The following SGCZ variants were observed in gnomAD, a reference collection of about 807,000 sequenced individuals.
SGCZ encodes zeta-sarcoglycan.
Under a neutral mutation model 41.3 loss-of-function variants are expected in SGCZ, and 40 were observed. That is an observed-to-expected ratio of 0.97 (90% CI 0.75 to 1.26). The LOEUF (loss-of-function observed/expected upper bound fraction) is 1.26, where lower values mean the gene tolerates loss of function less well. Among genes scored for constraint, SGCZ ranks in the 50% most tolerant of loss-of-function variants. The probability of loss-of-function intolerance (pLI) is 0.00; values close to 1 mark genes in which losing one functional copy is unlikely to be tolerated. For missense variants in SGCZ, 552 were observed against 369.8 expected (o/e 1.49, Z -4.04); for synonymous variants, 206 against 137.5 (o/e 1.50, Z -3.49).
At chr8:14,375,495 C>G (rs1172016454) in intron 2 of SGCZ, among the ~76,000 whole-genome samples, 1 of 152,010 alleles carries the variant, frequency 6.6e-6, no homozygotes, top group African/African-American at 2.4e-5. Flanking sequence ...ACAAAGAAAG[C>G]ATAAGTAGCA....
At chr8:15,061,351 G>C (rs1563477226) in intron 1 of SGCZ, among the ~76,000 whole-genome samples, 1 of 151,936 alleles carries the variant, frequency 6.6e-6, no homozygotes, top group African/African-American at 2.4e-5. Context: ...CATGGACACA[G>C]GGAGGAGAAC....
chr8:14,981,061 T>C (rs770879548), intron 1 of SGCZ, among the ~76,000 whole-genome samples: 5 of 152,168 alleles, frequency 3.3e-5, no homozygotes, highest in Admixed American at 6.5e-5. Context: ...ATATGGCTTG[T>C]ATAAAAATTT....
intron 4 of SGCZ, among the ~76,000 whole-genome samples, chr8:14,217,035 C>A (rs994325867): frequency 6.6e-6 from 1 of 152,100 alleles, no homozygotes; most frequent in African/African-American, 2.4e-5. Flanking sequence ...CGCCTGTAAT[C>A]CCAGCACTTT....
chr8:14,320,866 C>G (rs1243085828), intron 3 of SGCZ, among the ~76,000 whole-genome samples: 1 of 151,988 alleles, frequency 6.6e-6, no homozygotes, highest in South Asian at 2.1e-4. Flanking sequence ...TAGTTCGTCT[C>G]AGATAAGAGG....
chr8:14,579,589 C>T (rs1804819860), intron 1 of SGCZ, among the ~76,000 whole-genome samples: 2 of 152,138 alleles, frequency 1.3e-5, no homozygotes, highest in South Asian at 2.1e-4. Flanking sequence ...TATACAGGTT[C>T]AGGGAACACT....
chr8:14,942,599 G>C (rs964583638), intron 1 of SGCZ, among the ~76,000 whole-genome samples: 1 of 152,034 alleles, frequency 6.6e-6, no homozygotes, highest in Non-Finnish European at 1.5e-5. Context: ...GGAAAAAAAC[G>C]ACTTCTGTTT....
intron 1 of SGCZ, among the ~76,000 whole-genome samples, chr8:14,925,312 T>C (rs1292296491): frequency 6.6e-6 from 1 of 152,246 alleles, no homozygotes; most frequent in Non-Finnish European, 1.5e-5. Flanking sequence ...ATAGCATTTC[T>C]TATGGCTTAG....
chr8:14,584,655 A>G (rs1276480284), intron 1 of SGCZ, among the ~76,000 whole-genome samples: 1 of 152,096 alleles, frequency 6.6e-6, no homozygotes, highest in African/African-American at 2.4e-5. Flanking sequence ...TCAGGGCCAA[A>G]AGCACGCTAA....
At chr8:14,894,281 G>A (rs1805118157) in intron 1 of SGCZ, among the ~76,000 whole-genome samples, 1 of 151,808 alleles carries the variant, frequency 6.6e-6, no homozygotes, top group Non-Finnish European at 1.5e-5. Context: ...TTAATGAATG[G>A]TTCTCCCATA....
At chr8:14,541,006 A>G (rs1803449735) in intron 2 of SGCZ, among the ~76,000 whole-genome samples, 1 of 150,946 alleles carries the variant, frequency 6.6e-6, no homozygotes, top group South Asian at 2.1e-4. Flanking sequence ...ATGTATATAT[A>G]GAGATGAGAA....
At chr8:14,296,068 T>C (rs765967466) in intron 3 of SGCZ, among the ~76,000 whole-genome samples, 14 of 152,086 alleles carry the variant, frequency 9.2e-5, no homozygotes, top group Admixed American at 7.9e-4. Context: ...GAGTTTAGAA[T>C]TGAGACCACA....
chr8:14,912,798 A>C (rs1299439495), intron 1 of SGCZ, among the ~76,000 whole-genome samples: 1 of 152,124 alleles, frequency 6.6e-6, no homozygotes, highest in Non-Finnish European at 1.5e-5. Flanking sequence ...ACTTTGAGTT[A>C]AACAGTATCT....
intron 1 of SGCZ, among the ~76,000 whole-genome samples, chr8:15,159,723 T>TCC (rs1799448022): frequency 3.7e-4 from 5 of 13,646 alleles, no homozygotes; most frequent in South Asian, 4.0e-3. Flanking sequence ...CCCCCCTCCC[T>TCC]CGCCCCCGCC....
At chr8:15,159,754 C>T (rs1271417015) in intron 1 of SGCZ, among the ~76,000 whole-genome samples, 1 of 65,096 alleles carries the variant, frequency 1.5e-5, no homozygotes, top group Admixed American at 2.1e-4. Context: ...TCCCCCCCAC[C>T]CCCGCCACAC....
intron 1 of SGCZ, among the ~76,000 whole-genome samples, chr8:15,105,544 G>A (rs142697622): frequency 5.9e-5 from 9 of 152,062 alleles, no homozygotes; most frequent in East Asian, 1.9e-4. Context: ...TTTTAAACAC[G>A]CAGATCTTGT....
chr8:14,878,638 C>T lies in SGCZ; in HGVS notation c.40-323712G>A, dbSNP rs1241485047. Reference sequence around the variant, plus strand: ...TAACAAACGTATGCATATGGAATGACTTTCAGAAAAGCTATGTCAAGATCT... The same window carrying T: ...TAACAAACGTATGCATATGGAATGATTTTCAGAAAAGCTATGTCAAGATCT... On this transcript the variant is annotated intron_variant, in intron 1 of 7. Transcript: ENST00000382080. Among the ~76,000 whole-genome samples, 4 of 152,150 alleles carry T rather than the reference C, an allele frequency of 2.6e-5. No homozygotes were observed. In the East Asian group the frequency reaches 5.8e-4, roughly 22 times the overall value.
At chr8:14,367,723 G>A (rs889049443) in intron 2 of SGCZ, among the ~76,000 whole-genome samples, 1 of 151,940 alleles carries the variant, frequency 6.6e-6, no homozygotes, top group East Asian at 1.9e-4. Flanking sequence ...GAATATCAAG[G>A]GGAAACCACC....
chr8:14,252,127 C>T (rs1799310352), intron 3 of SGCZ, among the ~76,000 whole-genome samples: 1 of 151,990 alleles, frequency 6.6e-6, no homozygotes, highest in Non-Finnish European at 1.5e-5. Flanking sequence ...TGTGTTATAT[C>T]TTCCTTCATT....
intron 2 of SGCZ, among the ~76,000 whole-genome samples, chr8:14,366,491 A>G (rs1170895743): frequency 6.6e-6 from 1 of 152,118 alleles, no homozygotes; most frequent in Non-Finnish European, 1.5e-5. Context: ...AATTCAAGAA[A>G]AAATTTGGTG....
Sources: gnomAD v4.1 joint callset for allele counts (sites outside exome capture counted in the v4.1 genomes callset) on GRCh38, gnomAD v4.1.1 for gene constraint, MANE v1.5 for transcripts, NCBI Gene and HGNC (gene_info 2026-07-23, HGNC 2026-07-21) for gene names.